Variants in GABRR3 observed in about 807,000 individuals in gnomAD.
GABRR3 encodes gamma-aminobutyric acid type A receptor subunit rho3.
A neutral mutation model predicts 43.2 loss-of-function variants in GABRR3; 29 were observed. That is an observed-to-expected ratio of 0.67 (90% CI 0.50 to 0.92). GABRR3 has a LOEUF of 0.92. Ranked by LOEUF, GABRR3 falls within the 40% of genes least tolerant of loss-of-function variation. The probability of loss-of-function intolerance (pLI) is 0.00; values close to 1 mark genes in which losing one functional copy is unlikely to be tolerated. For missense variants in GABRR3, 576 were observed against 572.3 expected, an observed-to-expected ratio of 1.01 and a Z score of -0.07; for synonymous variants, 206 against 195.9, an observed-to-expected ratio of 1.05 and a Z score of -0.43.
Position 98,007,898 on chromosome 3 carries a change from T to C in GABRR3, c.620A>G (p.Tyr207Cys), listed in dbSNP as rs182972092. 2.6e-5 allele frequency: 41 copies of C among 1,567,158 alleles called. No individual in the cohort carries two copies. The African/African-American group carries it at 5.0e-4, about 19-fold the overall frequency. The change falls in exon 7 of 10, where the codon TAC (tyrosine) becomes TGC (cysteine). Residue 207 changes from tyrosine to cysteine, a missense_variant. Physicochemically the swap from Tyr to Cys is radical, Grantham distance 194. Coordinates refer to ENST00000621172, the Ensembl canonical transcript of GABRR3. ...GTATAGCATTAGGTCATCCTCATTGTAGGCATCTAAAACATGAAAATATCA... is the reference window on the plus strand; with the variant it reads ...GTATAGCATTAGGTCATCCTCATTGCAGGCATCTAAAACATGAAAATATCA...
At chr3:98,012,666 A>T (rs1706810009) in intron 4 of GABRR3, 99 bp from the exon 5 acceptor site, 1 of 771,280 alleles carries the variant, frequency 1.3e-6, no homozygotes, top group Admixed American at 2.5e-5. Context: ...TATGGTGTTA[A>T]TGACTTTTAA....
intron 4 of GABRR3, among the ~76,000 whole-genome samples, chr3:98,015,984 C>T (rs1460857288): frequency 6.6e-6 from 1 of 152,142 alleles, no homozygotes; most frequent in Admixed American, 6.5e-5. Context: ...AAACTTACAA[C>T]CACGGCAGAA....
At chr3:98,024,014 C>T (rs779645618) in intron 3 of GABRR3, among the ~76,000 whole-genome samples, 2 of 152,174 alleles carry the variant, frequency 1.3e-5, no homozygotes, top group Admixed American at 6.6e-5. Context: ...CCCAGGTGAT[C>T]CTGATGCTCA....
chr3:98,011,340 G>C (rs1427108322), intron 5 of GABRR3, among the ~76,000 whole-genome samples: 1 of 152,172 alleles, frequency 6.6e-6, no homozygotes, highest in Non-Finnish European at 1.5e-5. Flanking sequence ...CCAGAACTCT[G>C]AAATCAGTAT....
intron 2 of GABRR3, among the ~76,000 whole-genome samples, chr3:98,027,915 T>C (rs116542477): frequency 0.027 from 4,035 of 152,258 alleles, 66 homozygotes; most frequent in Non-Finnish European, 0.043. Context: ...ACAAGCTTTT[T>C]AAAAATCAGA....
chr3:98,014,389 A>G (rs1455535640), intron 4 of GABRR3, among the ~76,000 whole-genome samples: 3 of 152,210 alleles, frequency 2.0e-5, no homozygotes, highest in Non-Finnish European at 4.4e-5. Context: ...TCATTCAGAA[A>G]TGACTTGGAT....
chr3:97,999,151 T>G (rs1213480352), intron 8 of GABRR3: 2 of 152,134 alleles, frequency 1.3e-5, no homozygotes, highest in African/African-American at 4.8e-5. Flanking sequence ...TAAAGTAAGT[T>G]ATTATTAAGA....
intron 8 of GABRR3, 46 bp from the exon 9 acceptor site, chr3:97,993,094 T>C (rs778653303): frequency 5.5e-6 from 8 of 1,446,862 alleles, no homozygotes; most frequent in Non-Finnish European, 7.5e-6. Flanking sequence ...AGCCATTCAT[T>C]TCCAGGATCT....
At chr3:98,016,337 T>C (rs959029576) in intron 4 of GABRR3, among the ~76,000 whole-genome samples, 1 of 152,150 alleles carries the variant, frequency 6.6e-6, no homozygotes, top group Non-Finnish European at 1.5e-5. Flanking sequence ...CCCTGCCACC[T>C]GGAGCTGGTT....
At chr3:98,003,499 A>G (rs1159031592) in intron 7 of GABRR3, among the ~76,000 whole-genome samples, 1 of 149,346 alleles carries the variant, frequency 6.7e-6, no homozygotes, top group African/African-American at 2.5e-5. Flanking sequence ...GTTTTAGACT[A>G]GGGGTGGTAT....
At chr3:97,989,213 G>A (rs1706430329) in intron 9 of GABRR3, among the ~76,000 whole-genome samples, 1 of 150,520 alleles carries the variant, frequency 6.6e-6, no homozygotes, top group Non-Finnish European at 1.5e-5. Flanking sequence ...TGGTGGTGTT[G>A]GTGGATGGTG....
downstream of GABRR3, among the ~76,000 whole-genome samples, chr3:97,986,448 T>C (rs1706387580): frequency 1.3e-5 from 2 of 152,234 alleles, 1 homozygote; most frequent in Admixed American, 1.3e-4. Context: ...CCCTTCCCAA[T>C]GGAAAACTGT....
exon 4 of GABRR3, chr3:98,017,657 T>C (rs375897248): frequency 1.4e-5 from 22 of 1,607,006 alleles, no homozygotes; most frequent in Non-Finnish European, 1.7e-5. Flanking sequence ...AAACTTACCA[T>C]GTTAGTCTCT....
chr3:98,028,966 T>C (rs1230594465), intron 2 of GABRR3, among the ~76,000 whole-genome samples: 3 of 152,124 alleles, frequency 2.0e-5, no homozygotes, highest in South Asian at 2.1e-4. Flanking sequence ...AGTGTTCTAG[T>C]CTTATTCTAT....
chr3:98,015,769 G>C (rs900393026), intron 4 of GABRR3, among the ~76,000 whole-genome samples: 1 of 152,198 alleles, frequency 6.6e-6, no homozygotes, highest in Non-Finnish European at 1.5e-5. Context: ...CATAGCCATT[G>C]GGTAAGAACA....
intron 2 of GABRR3, among the ~76,000 whole-genome samples, chr3:98,034,186 A>T (rs562752699): frequency 1.3e-5 from 2 of 152,246 alleles, no homozygotes; most frequent in South Asian, 4.2e-4. Context: ...TAGGGTGACA[A>T]ATCATTCCAG....
At chr3:98,001,245 T>C (rs1706636258) in intron 8 of GABRR3, 2 of 189,106 alleles carry the variant, frequency 1.1e-5, no homozygotes, top group Admixed American at 5.3e-5. Flanking sequence ...CTTTCTGTGA[T>C]GTAAGGGTTT....
At chr3:97,987,887 C>T (rs1475807976) in intron 9 of GABRR3, among the ~76,000 whole-genome samples, 1 of 152,000 alleles carries the variant, frequency 6.6e-6, no homozygotes, top group East Asian at 1.9e-4. Context: ...AATGATCATT[C>T]CCACCTCCGC....
intron 3 of GABRR3, among the ~76,000 whole-genome samples, chr3:98,021,667 C>T (rs996191728): frequency 1.3e-5 from 2 of 152,074 alleles, no homozygotes; most frequent in African/African-American, 4.8e-5. Flanking sequence ...GTACCTAAAG[C>T]ATTTAAAATA....
Sources: gnomAD v4.1 joint callset for allele counts (sites outside exome capture counted in the v4.1 genomes callset) on GRCh38, gnomAD v4.1.1 for gene constraint, MANE v1.5 for transcripts, NCBI Gene and HGNC (gene_info 2026-07-23, HGNC 2026-07-21) for gene names.